DLG1: variants seen among roughly 807,000 people sequenced by gnomAD.
DLG1 encodes the protein discs large MAGUK scaffold protein 1.
A neutral mutation model predicts 123.4 loss-of-function variants in DLG1; 42 were observed. The observed-to-expected ratio is 0.34, with a 90% CI of 0.27 to 0.44. The LOEUF (loss-of-function observed/expected upper bound fraction) is 0.44, where lower values mean the gene tolerates loss of function less well. DLG1 is among the 20% of genes least tolerant of loss of function. The probability of loss-of-function intolerance (pLI) is 1.00; values close to 1 mark genes in which losing one functional copy is unlikely to be tolerated. For synonymous variants in DLG1, 317 were observed against 356.2 expected (o/e 0.89, Z 1.24); for missense variants, 942 against 1,082.6 (o/e 0.87, Z 1.82).
intron 24 of DLG1, among the ~76,000 whole-genome samples, chr3:197,051,041 T>G (rs555304176): frequency 6.6e-6 from 1 of 152,278 alleles, no homozygotes; most frequent in East Asian, 1.9e-4. Context: ...ATTATTCCTG[T>G]TTTTGTTGTT....
intron 4 of DLG1, among the ~76,000 whole-genome samples, chr3:197,243,041 G>T (rs1375406097): frequency 2.0e-5 from 3 of 152,132 alleles, no homozygotes; most frequent in African/African-American, 7.2e-5. Context: ...GCAAATTTCA[G>T]AAGGGTGCTG....
chr3:197,200,435 T>C (rs1418521298), intron 4 of DLG1, among the ~76,000 whole-genome samples: 5 of 152,176 alleles, frequency 3.3e-5, no homozygotes, highest in East Asian at 3.8e-4. Context: ...AGGCTTAATA[T>C]GAATTCTTGA....
intron 2 of DLG1, chr3:197,296,952 T>C (rs1257177854): frequency 4.1e-6 from 2 of 489,174 alleles, no homozygotes; most frequent in African/African-American, 2.4e-5. Context: ...AGGACATCTG[T>C]TGGGGGGGGG....
intron 19 of DLG1, chr3:197,068,507 G>T: frequency 1.9e-6 from 3 of 1,580,144 alleles, no homozygotes; most frequent in South Asian, 2.2e-5. Context: ...TGGACCTTTT[G>T]AGCAGCCATA....
chr3:197,245,576 T>C (rs984726483), intron 4 of DLG1, among the ~76,000 whole-genome samples: 3 of 152,200 alleles, frequency 2.0e-5, no homozygotes, highest in Admixed American at 6.5e-5. Context: ...GCATCACACA[T>C]AGCCTGAGGT....
At chr3:197,047,030 T>C (rs1290497697) in intron 24 of DLG1, among the ~76,000 whole-genome samples, 1 of 152,182 alleles carries the variant, frequency 6.6e-6, no homozygotes, top group Non-Finnish European at 1.5e-5. Context: ...ATTAAGGATG[T>C]GATAATCCAA....
intron 5 of DLG1, among the ~76,000 whole-genome samples, chr3:197,180,079 G>C (rs981888862): frequency 4.2e-5 from 4 of 94,548 alleles, no homozygotes; most frequent in African/African-American, 1.7e-4. Flanking sequence ...GGGGGGGGGG[G>C]GCTTTTTGAG....
intron 10 of DLG1, among the ~76,000 whole-genome samples, chr3:197,130,887 C>T (rs1010047225): frequency 2.0e-5 from 3 of 152,182 alleles, no homozygotes; most frequent in Non-Finnish European, 2.9e-5. Context: ...CATCTTGATT[C>T]CAGTCTCCAT....
intron 7 of DLG1, 151 bp downstream of exon 7, chr3:197,142,567 T>C: frequency 4.4e-6 from 2 of 458,854 alleles, no homozygotes; most frequent in African/African-American, 4.1e-5. Context: ...AAAAGGCAAA[T>C]GTTTTGAAAA....
At chr3:197,181,929 ACT>A (rs1177286789) in intron 5 of DLG1, among the ~76,000 whole-genome samples, 1 of 151,906 alleles carries the variant, frequency 6.6e-6, no homozygotes, top group African/African-American at 2.4e-5. Flanking sequence ...AGGGGTCATG[ACT>A]CTCTTCTGGC....
In DLG1 at chr3:197,296,414, C is replaced by A; in HGVS notation, c.83G>T (p.Arg28Ile). ...YRSKLSQTED[R>I]QLRSSIERVI... ...CCGTTCTATGGAACTTCTGAGCTGT[C>A]TGTCTTCAGTTTGGCTTAGTTTTGA... is the stretch of plus-strand genomic sequence containing the variant. Residue 28 changes from arginine to isoleucine, a missense_variant, in exon 3 of 25, where the codon AGA becomes ATA. Physicochemically the swap from Arg to Ile is moderately conservative, Grantham distance 97. Transcript: ENST00000667157. 1 of 1,613,410 alleles carries A rather than the reference C, an allele frequency of 6.2e-7. No homozygotes were observed. The highest frequency in any genetic ancestry group is 1.1e-5 in the South Asian group (1 of 91,068).
chr3:197,282,770 A>T lies in DLG1; in HGVS notation c.227T>A (p.Ile76Asn). 1 of 1,612,246 alleles carries T rather than the reference A, an allele frequency of 6.2e-7. No individual in the cohort carries two copies. Among genetic ancestry groups the T allele is most frequent in the Non-Finnish European group, 8.5e-7 (1 of 1,178,924 alleles). ...CIDRSKPSEPIQPVNTWEISS... is the reference protein window; with the variant it reads ...CIDRSKPSEPNQPVNTWEISS... The stretch of plus-strand genomic sequence containing the variant: ...AATCTCCCAAGTATTCACAGGTTGA[A>T]TTGGTTCAGACGGCTTTGAACGATC... The change falls in exon 4 of 25, where the codon ATT becomes AAT. Residue 76 changes from isoleucine (I) to asparagine (N), a missense_variant. Transcript: ENST00000667157.
chr3:197,289,275 A>G (rs1162580002), intron 3 of DLG1, among the ~76,000 whole-genome samples: 2 of 152,194 alleles, frequency 1.3e-5, no homozygotes, highest in Non-Finnish European at 2.9e-5. Context: ...CACAAGGGAA[A>G]TAACTGTTTT....
At chr3:197,166,741 A>C (rs1801631427) in intron 5 of DLG1, among the ~76,000 whole-genome samples, 1 of 152,092 alleles carries the variant, frequency 6.6e-6, no homozygotes. Flanking sequence ...AATACAAAAA[A>C]TTAGCTGGAC....
intron 5 of DLG1, among the ~76,000 whole-genome samples, chr3:197,167,523 C>A (rs758307152): frequency 2.0e-5 from 3 of 152,138 alleles, no homozygotes; most frequent in Non-Finnish European, 4.4e-5. Flanking sequence ...TACAATACTT[C>A]CAGGATATTT....
In DLG1 at chr3:197,245,812, T is replaced by C. The variant is rs546160050; in HGVS notation, c.318+36867A>G. On this transcript the variant is annotated intron_variant, in intron 4 of 24. Coordinates refer to ENST00000667157, the MANE Select transcript of DLG1 (RefSeq NM_001366207.1). ...GTTTCAGAGGAAAAAGCAGTTTGTT[T>C]GGCTCTTTGGTCTGCGAGGTTATTC... Among the ~76,000 whole-genome samples the C allele has an allele frequency of 1.1e-3, 170 of 151,076 alleles. 1 individual carries two copies. Among genetic ancestry groups the C allele is most frequent in the African/African-American group, 4.0e-3 (163 of 41,236 alleles).
At chr3:197,119,649 G>T in intron 11 of DLG1, 119 bp from the exon 12 acceptor site, 4 of 1,021,340 alleles carry the variant, frequency 3.9e-6, no homozygotes, top group Non-Finnish European at 5.2e-6. Flanking sequence ...ATTTGGTAGA[G>T]AAGATTTACT....
chr3:197,175,903 A>T (rs975332949), intron 5 of DLG1, among the ~76,000 whole-genome samples: 4 of 152,182 alleles, frequency 2.6e-5, no homozygotes, highest in African/African-American at 9.7e-5. Context: ...TCCCATAAGC[A>T]TGGTTCAGTC....
At chr3:197,054,821 A>T (rs1254173552) in intron 23 of DLG1, among the ~76,000 whole-genome samples, 2 of 142,986 alleles carry the variant, frequency 1.4e-5, no homozygotes, top group African/African-American at 5.1e-5. Context: ...ATTTTTGTTT[A>T]TTTTTTTTTT....
Sources: allele counts gnomAD v4.1 joint callset (sites outside exome capture counted in the v4.1 genomes callset), GRCh38; gene constraint gnomAD v4.1.1; transcripts MANE v1.5; gene names NCBI Gene and HGNC (gene_info 2026-07-23, HGNC 2026-07-21).